Variants in UTRN observed in about 807,000 individuals in gnomAD.
The protein encoded by UTRN is dystrophin-related protein 1.
Under a neutral mutation model 463.9 loss-of-function variants are expected in UTRN, and 283 were observed. The ratio of observed to expected loss-of-function variants is 0.61; its 90% CI spans 0.55 to 0.67. The LOEUF (loss-of-function observed/expected upper bound fraction) is 0.67. Ranked by LOEUF, UTRN falls within the 30% of genes least tolerant of loss-of-function variation. UTRN has a pLI of 0.00. For missense variants in UTRN, 3,922 were observed against 4,084.3 expected (o/e 0.96, Z 1.08); for synonymous variants, 1,442 against 1,431.5 (o/e 1.01, Z -0.17).
chr6:144,525,205 T>G (rs1796459317), intron 41 of UTRN, among the ~76,000 whole-genome samples: 1 of 152,184 alleles, frequency 6.6e-6, no homozygotes, highest in Non-Finnish European at 1.5e-5. Context: ...CTTCATGGAA[T>G]GATTTAGGGA....
chr6:144,403,383 G>A (rs1447231586), intron 3 of UTRN, among the ~76,000 whole-genome samples, 199 bp downstream of exon 3: 4 of 152,106 alleles, frequency 2.6e-5, no homozygotes, highest in African/African-American at 4.8e-5. Flanking sequence ...TTTATGGGAC[G>A]CTATTGACTT....
At chr6:144,323,446 G>C (rs1236070380) in intron 2 of UTRN, among the ~76,000 whole-genome samples, 1 of 152,118 alleles carries the variant, frequency 6.6e-6, no homozygotes, top group East Asian at 1.9e-4. Context: ...AAAGAGCAAG[G>C]AGATCACTTT....
At chr6:144,646,969 T>G (rs1358955106) in intron 51 of UTRN, among the ~76,000 whole-genome samples, 2 of 152,172 alleles carry the variant, frequency 1.3e-5, no homozygotes, top group Non-Finnish European at 2.9e-5. Flanking sequence ...ATAGTCAAAA[T>G]AGCTCAGTCT....
intron 2 of UTRN, among the ~76,000 whole-genome samples, chr6:144,362,991 T>TA (rs1554226271): frequency 1.3e-5 from 2 of 152,206 alleles, no homozygotes; most frequent in Non-Finnish European, 2.9e-5. Flanking sequence ...TGCTATTTTT[T>TA]AAAAAAATAT....
At chr6:144,506,490 T>C (rs915748903) in intron 34 of UTRN, among the ~76,000 whole-genome samples, 2 of 152,246 alleles carry the variant, frequency 1.3e-5, no homozygotes, top group African/African-American at 4.8e-5. Flanking sequence ...TGCTTGTCTG[T>C]AAAGGATTTT....
intron 2 of UTRN, among the ~76,000 whole-genome samples, chr6:144,294,152 G>C (rs183162256): frequency 6.0e-4 from 91 of 151,968 alleles, no homozygotes; most frequent in Non-Finnish European, 9.4e-4. Flanking sequence ...AAATTGCTTA[G>C]AGTGTTTAGA....
intron 34 of UTRN, among the ~76,000 whole-genome samples, chr6:144,503,547 A>G (rs1009261373): frequency 6.6e-6 from 1 of 152,144 alleles, no homozygotes; most frequent in East Asian, 1.9e-4. Flanking sequence ...TTTGTCAAAG[A>G]TCAGTTAGTT....
At chr6:144,435,452 T>C (rs1372269749) in intron 9 of UTRN, among the ~76,000 whole-genome samples, 1 of 152,206 alleles carries the variant, frequency 6.6e-6, no homozygotes, top group Non-Finnish European at 1.5e-5. Flanking sequence ...TAAAATGCAA[T>C]GCTAAAATGC....
intron 42 of UTRN, 92 bp from the exon 43 acceptor site, chr6:144,532,993 C>G (rs1034056203): frequency 3.1e-6 from 2 of 639,208 alleles, no homozygotes; most frequent in African/African-American, 1.9e-5. Context: ...TTCTTTCACA[C>G]TTAAATTGAT....
intron 34 of UTRN, among the ~76,000 whole-genome samples, chr6:144,504,242 C>T (rs1259021831): frequency 3.3e-5 from 5 of 152,126 alleles, no homozygotes; most frequent in Non-Finnish European, 5.9e-5. Context: ...CTTTCTCTTT[C>T]CTGATTGCCC....
chr6:144,754,004 A>G (rs75148602), intron 56 of UTRN, among the ~76,000 whole-genome samples: 4,020 of 152,222 alleles, frequency 0.026, 181 homozygotes, highest in African/African-American at 0.091. Context: ...GGAAAATAAG[A>G]TGTTGCATAC....
At chr6:144,473,650 G>A (rs900068089) in intron 23 of UTRN, 70 bp from the exon 24 acceptor site, 26 of 1,167,594 alleles carry the variant, frequency 2.2e-5, no homozygotes, top group Middle Eastern at 2.0e-4. Flanking sequence ...TTCCAGTGGC[G>A]GTAGATCTTG....
At chr6:144,400,365 G>A (rs1465072812) in intron 2 of UTRN, among the ~76,000 whole-genome samples, 3 of 152,136 alleles carry the variant, frequency 2.0e-5, no homozygotes, top group Non-Finnish European at 4.4e-5. Flanking sequence ...TGGAAGTTCT[G>A]TATAAATTTC....
chr6:144,510,096 G>A (rs1388357514), intron 34 of UTRN, among the ~76,000 whole-genome samples: 1 of 152,124 alleles, frequency 6.6e-6, no homozygotes, highest in Non-Finnish European at 1.5e-5. Context: ...TGCTTTCCAA[G>A]GTGTGATTTA....
At chr6:144,313,727 T>C (rs1281540783) in intron 2 of UTRN, among the ~76,000 whole-genome samples, 1 of 152,220 alleles carries the variant, frequency 6.6e-6, no homozygotes, top group Admixed American at 6.5e-5. Context: ...TAGACCGTGC[T>C]TTAGGACTTG....
At chr6:144,394,443 G>A (rs751383266) in intron 2 of UTRN, among the ~76,000 whole-genome samples, 28 of 152,146 alleles carry the variant, frequency 1.8e-4, no homozygotes, top group South Asian at 4.1e-4. Flanking sequence ...CCACCTCCAT[G>A]ATTTATCTTC....
intron 43 of UTRN, among the ~76,000 whole-genome samples, chr6:144,535,270 G>C (rs1797426168): frequency 6.6e-6 from 1 of 152,102 alleles, no homozygotes; most frequent in Admixed American, 6.5e-5. Flanking sequence ...TAGTAGAGAT[G>C]GCATTTCACC....
At chr6:144,353,406 G>A (rs1457584496) in intron 2 of UTRN, among the ~76,000 whole-genome samples, 1 of 148,936 alleles carries the variant, frequency 6.7e-6, no homozygotes, top group African/African-American at 2.4e-5. Context: ...GAACCAACGT[G>A]CCCGGCCCTT....
chr6:144,489,487 T>C (rs1792822693), intron 30 of UTRN, among the ~76,000 whole-genome samples: 1 of 152,122 alleles, frequency 6.6e-6, no homozygotes, highest in Admixed American at 6.6e-5. Context: ...TTTTCTTAGC[T>C]GTGAAGTTGG....
Sources: allele counts gnomAD v4.1 joint callset (sites outside exome capture counted in the v4.1 genomes callset), GRCh38; gene constraint gnomAD v4.1.1; transcripts MANE v1.5; gene names NCBI Gene and HGNC (gene_info 2026-07-23, HGNC 2026-07-21).